Variants in ADGRL3 observed in about 807,000 individuals in gnomAD.
The protein encoded by ADGRL3 is calcium-independent alpha-latrotoxin receptor 3.
ADGRL3 carries 62 observed loss-of-function variants against 153.5 expected under a neutral mutation model. That is an observed-to-expected ratio of 0.40 (90% confidence interval 0.33 to 0.50). The LOEUF (loss-of-function observed/expected upper bound fraction) is 0.50, where lower values mean the gene tolerates loss of function less well. Among genes scored for constraint, ADGRL3 ranks in the 20% least tolerant of loss-of-function variants. The pLI, the probability that ADGRL3 is intolerant of heterozygous loss-of-function variation, is 0.47. For missense variants in ADGRL3, 1,641 were observed against 1,859.4 expected (o/e 0.88, Z 2.16); for synonymous variants, 710 against 672.5 (o/e 1.06, Z -0.86).
Position 61,496,361 on chromosome 4 carries a change from G to T in ADGRL3, c.-173-760G>T, listed in dbSNP as rs565643577. Among the ~76,000 whole-genome samples the T allele has an allele frequency of 2.0e-5, 3 of 152,226 alleles. No homozygotes were observed. The East Asian group carries it at 5.8e-4, about 29-fold the overall frequency. On this transcript the variant is annotated intron_variant, in intron 2 of 26. Coordinates refer to ENST00000683033, the MANE Select transcript of ADGRL3 (RefSeq NM_001387552.1). Reference sequence around the variant, plus strand: ...CTTACTTTGTGTAAGCTTTACCATGGTATAATATATATGTATTTTTAGCCA... The same window carrying T: ...CTTACTTTGTGTAAGCTTTACCATGTTATAATATATATGTATTTTTAGCCA...
At chr4:61,328,504 G>A (rs146304339) in intron 1 of ADGRL3, among the ~76,000 whole-genome samples, 137 of 151,972 alleles carry the variant, frequency 9.0e-4, no homozygotes, top group African/African-American at 2.9e-3. Flanking sequence ...TTTTTATAGG[G>A]GATGTTTTTA....
chr4:61,592,307 A>G (rs1316976216), intron 5 of ADGRL3, among the ~76,000 whole-genome samples: 1 of 152,148 alleles, frequency 6.6e-6, no homozygotes, highest in African/African-American at 2.4e-5. Flanking sequence ...AACTGCATTT[A>G]TATACATGAG....
At chr4:61,445,066 A>AAT (rs2097567581) in intron 2 of ADGRL3, among the ~76,000 whole-genome samples, 1 of 150,798 alleles carries the variant, frequency 6.6e-6, no homozygotes, top group African/African-American at 2.4e-5. Flanking sequence ...AGAAAAAAAA[A>AAT]TGCTTATACT....
intron 2 of ADGRL3, among the ~76,000 whole-genome samples, chr4:61,415,032 T>A (rs183737327): frequency 6.6e-6 from 1 of 152,024 alleles, no homozygotes; most frequent in Non-Finnish European, 1.5e-5. Context: ...GATGCCTGCT[T>A]ATTTTTAGAG....
At chr4:61,750,515 G>A (rs1425289618) in intron 8 of ADGRL3, among the ~76,000 whole-genome samples, 1 of 152,182 alleles carries the variant, frequency 6.6e-6, no homozygotes, top group Non-Finnish European at 1.5e-5. Context: ...AAGTCGGCCG[G>A]GCGCGGTGGC....
chr4:61,348,949 T>C (rs1459758018), intron 1 of ADGRL3, among the ~76,000 whole-genome samples: 1 of 152,022 alleles, frequency 6.6e-6, no homozygotes, highest in Non-Finnish European at 1.5e-5. Context: ...CCTAAACAGT[T>C]AAAACTATTA....
intron 6 of ADGRL3, among the ~76,000 whole-genome samples, chr4:61,702,900 T>A (rs991253607): frequency 6.6e-6 from 1 of 152,202 alleles, no homozygotes; most frequent in African/African-American, 2.4e-5. Flanking sequence ...CTTGATATTC[T>A]AGTTATATTC....
At chr4:61,451,290 ACTG>A (rs1188868714) in intron 2 of ADGRL3, among the ~76,000 whole-genome samples, 1 of 152,256 alleles carries the variant, frequency 6.6e-6, no homozygotes, top group East Asian at 1.9e-4. Context: ...ATACCACATA[ACTG>A]ATAAATTGCA....
intron 8 of ADGRL3, among the ~76,000 whole-genome samples, chr4:61,742,535 C>T (rs545514264): frequency 1.6e-4 from 24 of 152,248 alleles, no homozygotes; most frequent in African/African-American, 5.8e-4. Context: ...CCATCTCGGC[C>T]TCCCAAAGTG....
chr4:61,727,202 A>C (rs2096363963), intron 6 of ADGRL3, among the ~76,000 whole-genome samples: 1 of 152,314 alleles, frequency 6.6e-6, no homozygotes, highest in Middle Eastern at 3.4e-3. Context: ...AGGAAAATTT[A>C]CTAGTCATTT....
chr4:61,661,531 T>C (rs1173928448), intron 5 of ADGRL3, among the ~76,000 whole-genome samples: 1 of 151,944 alleles, frequency 6.6e-6, no homozygotes, highest in Non-Finnish European at 1.5e-5. Flanking sequence ...TTCATACAAA[T>C]ATTATTATTT....
intron 1 of ADGRL3, among the ~76,000 whole-genome samples, chr4:61,266,733 A>T (rs2092869648): frequency 1.3e-5 from 2 of 151,742 alleles, no homozygotes. Flanking sequence ...AGGTAAATCT[A>T]AGCCTTCCAA....
At chr4:61,883,756 C>T (rs2098521601) in intron 9 of ADGRL3, among the ~76,000 whole-genome samples, 1 of 152,048 alleles carries the variant, frequency 6.6e-6, no homozygotes, top group Non-Finnish European at 1.5e-5. Context: ...GTTAAATTGA[C>T]AGATTTTTTT....
Position 61,676,859 on chromosome 4 carries a change from A to C in ADGRL3, c.507A>C (p.Ala169=). Residue 169 remains alanine, a synonymous_variant, in exon 6 of 27, where the codon GCA becomes GCC. Transcript: ENST00000683033. ...ACAGAACCCAGTGTGCAGTGGTGGC[A>C]GGTCCTGATGTTTTTCCAGACCCGT... ...CNNRTQCAVV[A]GPDVFPDPCP... 1 of 1,612,116 alleles carries C rather than the reference A, an allele frequency of 6.2e-7. No homozygotes were observed. Among genetic ancestry groups the C allele is most frequent in the Non-Finnish European group, 8.5e-7 (1 of 1,178,584 alleles).
chr4:62,062,483 A>G (rs976026882), intron 25 of ADGRL3, among the ~76,000 whole-genome samples: 2 of 152,062 alleles, frequency 1.3e-5, no homozygotes, highest in Admixed American at 6.6e-5. Flanking sequence ...CAACATGACT[A>G]TTCTCATGCA....
intron 5 of ADGRL3, among the ~76,000 whole-genome samples, chr4:61,659,007 A>G (rs938223175): frequency 1.3e-5 from 2 of 152,142 alleles, no homozygotes; most frequent in African/African-American, 4.8e-5. Context: ...GGGAAGAATC[A>G]TTGTTTGCCT....
intron 21 of ADGRL3, among the ~76,000 whole-genome samples, chr4:62,006,475 GTT>G (rs1385681486): frequency 6.6e-6 from 1 of 151,254 alleles, no homozygotes; most frequent in Non-Finnish European, 1.5e-5. Flanking sequence ...TTTTGTTTTT[GTT>G]TTTTTGCAAG....
chr4:61,237,392 G>A (rs1391862062), intron 1 of ADGRL3, among the ~76,000 whole-genome samples: 1 of 152,132 alleles, frequency 6.6e-6, no homozygotes, highest in East Asian at 1.9e-4. Context: ...GCTGTATTAT[G>A]CTACACAGTG....
intron 2 of ADGRL3, among the ~76,000 whole-genome samples, chr4:61,465,451 G>A (rs1244853656): frequency 6.6e-6 from 1 of 151,836 alleles, no homozygotes; most frequent in Non-Finnish European, 1.5e-5. Context: ...ACAGAATTAT[G>A]TCTAAATATA....
Sources: allele counts gnomAD v4.1 joint callset (sites outside exome capture counted in the v4.1 genomes callset), GRCh38; gene constraint gnomAD v4.1.1; transcripts MANE v1.5; gene names NCBI Gene and HGNC (gene_info 2026-07-23, HGNC 2026-07-21).